RBFOX1: variants seen among roughly 807,000 people sequenced by gnomAD.
RBFOX1 encodes RNA binding fox-1 homolog 1, also known as RNA binding protein fox-1 homolog 1.
A neutral mutation model predicts 57.7 loss-of-function variants in RBFOX1; 8 were observed. The observed-to-expected ratio is 0.14, with a 90% CI of 0.08 to 0.25. RBFOX1 has a LOEUF of 0.25. Among genes scored for constraint, RBFOX1 ranks in the 10% least tolerant of loss-of-function variants. RBFOX1 has a pLI of 1.00. For missense variants in RBFOX1, 611 were observed against 548.5 expected, an observed-to-expected ratio of 1.11 and a Z score of -1.14; for synonymous variants, 326 against 222.4, an observed-to-expected ratio of 1.47 and a Z score of -4.15.
chr16:5,293,862 T>C (rs1468621572), intron 1 of RBFOX1, among the ~76,000 whole-genome samples: 8 of 152,046 alleles, frequency 5.3e-5, no homozygotes, highest in Non-Finnish European at 1.2e-4. Flanking sequence ...TTGCTTAACA[T>C]TGTGAATGTA....
chr16:5,696,803 A>C (rs2050859130), intron 3 of RBFOX1, among the ~76,000 whole-genome samples: 1 of 152,128 alleles, frequency 6.6e-6, no homozygotes, highest in Non-Finnish European at 1.5e-5. Context: ...TATAATCTGC[A>C]TCTTTATATA....
At chr16:6,085,588 G>T (rs2096072120) in intron 1 of RBFOX1, among the ~76,000 whole-genome samples, 1 of 152,084 alleles carries the variant, frequency 6.6e-6, no homozygotes, top group Non-Finnish European at 1.5e-5. Context: ...AGGTTTTTAG[G>T]ATACCCTTGG....
intron 1 of RBFOX1, among the ~76,000 whole-genome samples, chr16:5,434,053 G>A (rs893846697): frequency 6.6e-6 from 1 of 152,148 alleles, no homozygotes; most frequent in Non-Finnish European, 1.5e-5. Context: ...AGAAGGGGGT[G>A]TCTGACATCA....
At chr16:6,994,320 G>A (rs2091947865) in intron 3 of RBFOX1, among the ~76,000 whole-genome samples, 2 of 152,198 alleles carry the variant, frequency 1.3e-5, no homozygotes, top group South Asian at 2.1e-4. Context: ...AGGGTTGGAT[G>A]TAAGTGTCTA....
intron 4 of RBFOX1, among the ~76,000 whole-genome samples, chr16:5,954,008 A>G (rs765041672): frequency 6.6e-6 from 1 of 152,108 alleles, no homozygotes; most frequent in Admixed American, 6.6e-5. Context: ...TTGGCTTGTC[A>G]CCACTGGGTG....
At chr16:6,719,445 G>T (rs1002682240) in intron 3 of RBFOX1, among the ~76,000 whole-genome samples, 4 of 145,192 alleles carry the variant, frequency 2.8e-5, no homozygotes, top group Admixed American at 6.9e-5. Context: ...AAAATAACCT[G>T]TTTTTTTTTT....
Position 6,506,008 on chromosome 16 carries a change from T to C in RBFOX1, c.-63-148595T>C, listed in dbSNP as rs1320024197. On this transcript the variant is annotated intron_variant, in intron 2 of 15. Coordinates refer to ENST00000550418, the MANE Select transcript of RBFOX1 (RefSeq NM_018723.4). The stretch of plus-strand genomic sequence containing the variant: ...CAATAGCAAACCTCTAATTACTATC[T>C]GAGCTAACTGGGATAGGTGACCTAA... Among the ~76,000 whole-genome samples the C allele has an allele frequency of 2.0e-5, 3 of 152,316 alleles. No individual in the cohort carries two copies. The East Asian group carries it at 5.8e-4, about 29-fold the overall frequency.
At chr16:6,968,401 C>CT (rs1160981992) in intron 3 of RBFOX1, among the ~76,000 whole-genome samples, 1 of 152,154 alleles carries the variant, frequency 6.6e-6, no homozygotes, top group Non-Finnish European at 1.5e-5. Context: ...TTAATACTGT[C>CT]TTTTTTTCCT....
At chr16:6,601,529 T>G (rs2097852877) in intron 2 of RBFOX1, among the ~76,000 whole-genome samples, 1 of 152,132 alleles carries the variant, frequency 6.6e-6, no homozygotes. Flanking sequence ...ACCATTCTAC[T>G]CATAGTTTTG....
intron 3 of RBFOX1, among the ~76,000 whole-genome samples, chr16:6,973,063 G>C (rs2085942057): frequency 6.6e-6 from 1 of 152,112 alleles, no homozygotes; most frequent in Admixed American, 6.5e-5. Flanking sequence ...CCTGGGAGGT[G>C]GAGGCTGCAG....
intron 3 of RBFOX1, among the ~76,000 whole-genome samples, chr16:5,708,472 A>G (rs1309323064): frequency 6.6e-6 from 1 of 152,196 alleles, no homozygotes; most frequent in African/African-American, 2.4e-5. Context: ...ATTTCAGGCT[A>G]TTAGTAGATC....
intron 2 of RBFOX1, among the ~76,000 whole-genome samples, chr16:6,489,248 A>G (rs1365289361): frequency 1.3e-5 from 2 of 152,150 alleles, no homozygotes; most frequent in Non-Finnish European, 2.9e-5. Flanking sequence ...ACCTTCCCAT[A>G]TGGTCCTTCT....
rs74250003 is a variant in RBFOX1, at chr16:6,815,482, T to C, written c.-16+160832T>C. On this transcript the variant is annotated intron_variant, in intron 3 of 15. Transcript: ENST00000550418. ...ATTCGCAGTGGAATCCATTAAAAGA[T>C]GTTAAGGAGATATGATTATATTTCT... Among the ~76,000 whole-genome samples, 924 of 152,276 alleles carry C rather than the reference T, an allele frequency of 6.1e-3. 22 individuals carry two copies. The highest frequency in any genetic ancestry group is 0.043 in the Admixed American group (652 of 15,302).
At chr16:6,128,273 T>G (rs2152665071) in intron 1 of RBFOX1, among the ~76,000 whole-genome samples, 1 of 152,356 alleles carries the variant, frequency 6.6e-6, no homozygotes, top group African/African-American at 2.4e-5. Flanking sequence ...AAAATGCAGC[T>G]ATTAGAAAAT....
At chr16:6,552,203 C>T (rs760953245) in intron 2 of RBFOX1, among the ~76,000 whole-genome samples, 4 of 152,110 alleles carry the variant, frequency 2.6e-5, no homozygotes, top group Non-Finnish European at 5.9e-5. Context: ...TTTGAAAGTC[C>T]TCATTTAAGC....
In RBFOX1 at chr16:7,424,216, C is replaced by T. The variant is rs188125798; in HGVS notation, c.28-93931C>T. Among the ~76,000 whole-genome samples, 848 of 151,690 alleles carry T rather than the reference C, an allele frequency of 5.6e-3. 5 individuals are homozygous for T. Among genetic ancestry groups the T allele is most frequent in the African/African-American group, 0.019 (791 of 41,318 alleles). Reference sequence around the variant, plus strand: ...TAAAAGAAGTGCTCAAATAGGGCAGCCATGAATTTTATTTGTGTAATTTAC... The same window carrying T: ...TAAAAGAAGTGCTCAAATAGGGCAGTCATGAATTTTATTTGTGTAATTTAC... On this transcript the variant is annotated intron_variant, in intron 4 of 15. Transcript: ENST00000550418.
intron 3 of RBFOX1, among the ~76,000 whole-genome samples, chr16:6,824,760 T>C (rs566191327): frequency 6.6e-6 from 1 of 152,074 alleles, no homozygotes; most frequent in East Asian, 1.9e-4. Flanking sequence ...TTAAAAACTT[T>C]TCTGGAAGAA....
intron 2 of RBFOX1, among the ~76,000 whole-genome samples, chr16:6,321,547 C>A (rs956286891): frequency 2.6e-5 from 4 of 152,230 alleles, no homozygotes; most frequent in Non-Finnish European, 4.4e-5. Context: ...CCACAGCATT[C>A]ATCTATTCTA....
chr16:5,441,932 G>A (rs2068097400), intron 1 of RBFOX1, among the ~76,000 whole-genome samples: 1 of 152,104 alleles, frequency 6.6e-6, no homozygotes, highest in African/African-American at 2.4e-5. Flanking sequence ...GGGATTATGG[G>A]AACTACAATT....
Sources: allele counts gnomAD v4.1 joint callset (sites outside exome capture counted in the v4.1 genomes callset), GRCh38; gene constraint gnomAD v4.1.1; transcripts MANE v1.5; gene names NCBI Gene and HGNC (gene_info 2026-07-23, HGNC 2026-07-21).